The following ARHGEF10 variants were observed in gnomAD, a reference collection of about 807,000 sequenced individuals.
ARHGEF10 encodes Rho guanine nucleotide exchange factor 10.
In ARHGEF10, 140 loss-of-function variants were observed where a neutral mutation model predicts 147.4. The observed-to-expected ratio is 0.95, with a 90% CI of 0.83 to 1.09. The LOEUF is 1.09. Among genes scored for constraint, ARHGEF10 ranks in the 50% least tolerant of loss-of-function variants. The probability of loss-of-function intolerance (pLI) is 0.00; values close to 1 mark genes in which losing one functional copy is unlikely to be tolerated. For synonymous variants in ARHGEF10, 902 were observed against 695.8 expected, an observed-to-expected ratio of 1.30 and a Z score of -4.67; for missense variants, 2,222 against 1,752.7, an observed-to-expected ratio of 1.27 and a Z score of -4.78.
intron 25 of ARHGEF10, among the ~76,000 whole-genome samples, chr8:1,931,426 T>C (rs145897001): frequency 3.1e-3 from 469 of 152,376 alleles, no homozygotes; most frequent in African/African-American, 0.01. Flanking sequence ...ATTGCTGTCC[T>C]GTCCACTGTG....
rs767780155 is a variant in ARHGEF10 at position 1,858,000 on chromosome 8, A to T, written c.78A>T (p.Glu26Asp). Reference sequence around the variant, plus strand: ...ATGATACCAATAATAATGAAGAGGAAGAGGGAGAACAGTTCGATTTTGACA... The same window carrying T: ...ATGATACCAATAATAATGAAGAGGATGAGGGAGAACAGTTCGATTTTGACA... ...MKYDTNNNEE[E>D]EGEQFDFDSG... Residue 26 changes from glutamate to aspartate, a missense_variant, in exon 3 of 29, where the codon GAA becomes GAT. Coordinates refer to ENST00000349830, the MANE Select transcript of ARHGEF10 (RefSeq NM_014629.4). 1 of 1,614,100 alleles carries T rather than the reference A, an allele frequency of 6.2e-7. No homozygotes were observed. Among genetic ancestry groups the T allele is most frequent in the Non-Finnish European group, 8.5e-7 (1 of 1,179,998 alleles).
chr8:1,826,447 C>T (rs984344307), intron 1 of ARHGEF10, among the ~76,000 whole-genome samples: 6 of 151,104 alleles, frequency 4.0e-5, no homozygotes, highest in Admixed American at 6.6e-5. Flanking sequence ...TGTGTGTGCG[C>T]GTGTGTGAGT....
chr8:1,833,597 A>C (rs1250909505), intron 1 of ARHGEF10, among the ~76,000 whole-genome samples: 5 of 151,984 alleles, frequency 3.3e-5, no homozygotes, highest in African/African-American at 9.7e-5. Context: ...CCCCACCCCC[A>C]GGATGCTCAC....
At chr8:1,851,746 C>T (rs982669450) in intron 2 of ARHGEF10, among the ~76,000 whole-genome samples, 2 of 152,048 alleles carry the variant, frequency 1.3e-5, no homozygotes, top group Admixed American at 6.6e-5. Flanking sequence ...CACCTCGTCT[C>T]TATTAAAAAT....
chr8:1,950,751 T>G (rs1359147499), intron 27 of ARHGEF10, among the ~76,000 whole-genome samples: 1,616 of 95,164 alleles, frequency 0.017, 25 homozygotes, highest in Non-Finnish European at 0.021. Flanking sequence ...TTTTTTTTTT[T>G]GTATTTTTAG....
At chr8:1,913,977 A>T (rs1225211546) in intron 18 of ARHGEF10, among the ~76,000 whole-genome samples, 1 of 152,222 alleles carries the variant, frequency 6.6e-6, no homozygotes, top group African/African-American at 2.4e-5. Flanking sequence ...AAACGCGGAA[A>T]GGGTCGTGGG....
intron 11 of ARHGEF10, among the ~76,000 whole-genome samples, chr8:1,886,885 C>G (rs554360258): frequency 6.6e-6 from 1 of 152,312 alleles, no homozygotes; most frequent in East Asian, 1.9e-4. Flanking sequence ...TCTGTGCTCA[C>G]TGGGGCCATG....
intron 3 of ARHGEF10, among the ~76,000 whole-genome samples, chr8:1,859,013 G>C (rs1200169526): frequency 1.3e-5 from 2 of 151,528 alleles, no homozygotes; most frequent in African/African-American, 2.4e-5. Context: ...CGTAGCGCCA[G>C]CCTCTCGGTT....
At chr8:1,935,293 G>A (rs1405913702) in intron 26 of ARHGEF10, among the ~76,000 whole-genome samples, 1 of 152,028 alleles carries the variant, frequency 6.6e-6, no homozygotes, top group Admixed American at 6.6e-5. Context: ...TGTCATCATT[G>A]CCCAGGGTCC....
Position 1,839,695 on chromosome 8 carries a change from C to T in ARHGEF10, c.-47-3658C>T, listed in dbSNP as rs372163268. 4.1e-3 allele frequency among the ~76,000 whole-genome samples: 333 copies of T among 81,604 alleles called. 9 individuals carry two copies. The highest frequency in any genetic ancestry group is 0.013 in the African/African-American group (236 of 18,100). 53.5% of individuals were successfully genotyped at this position (81,604 alleles called of 152,430 possible). A position where few individuals can be genotyped will look rare whatever the true frequency, so the allele number is the denominator to read the frequency against. The stretch of plus-strand genomic sequence containing the variant: ...TGTGGAAACTGGTGTGGGGACTGTC[C>T]GGTGTGGGGACTGTCTGGTGTGGGG... On this transcript the variant is annotated intron_variant, in intron 1 of 28. Transcript: ENST00000349830.
At chr8:1,837,888 G>C (rs959518519) in intron 1 of ARHGEF10, among the ~76,000 whole-genome samples, 2 of 152,182 alleles carry the variant, frequency 1.3e-5, no homozygotes, top group Non-Finnish European at 2.9e-5. Flanking sequence ...GTGAGTCAAG[G>C]TGGTGAGGAC....
intron 2 of ARHGEF10, among the ~76,000 whole-genome samples, chr8:1,844,694 C>T (rs76941765): frequency 0.023 from 3,548 of 152,204 alleles, 75 homozygotes; most frequent in East Asian, 0.082. Context: ...GCCTTTTTGT[C>T]GCCATGGTGC....
chr8:1,857,831 A>T, intron 2 of ARHGEF10, 129 bp from the exon 3 acceptor site: 2 of 864,660 alleles, frequency 2.3e-6, no homozygotes, highest in Admixed American at 4.1e-5. Flanking sequence ...CAAGCGCAGT[A>T]CAGCACAGAG....
At chr8:1,944,762 C>T (rs906227077) in intron 26 of ARHGEF10, among the ~76,000 whole-genome samples, 3 of 152,254 alleles carry the variant, frequency 2.0e-5, no homozygotes, top group African/African-American at 7.2e-5. Flanking sequence ...CACCCTCTGT[C>T]ACCCCCTCCA....
rs1312552885 is a variant in ARHGEF10, at chr8:1,945,523, C to T, written c.3265C>T (p.His1089Tyr). Residue 1089 changes from histidine to tyrosine, a missense_variant, in exon 27 of 29, where the codon CAC becomes TAC. Physicochemically the swap from His to Tyr is moderately conservative, Grantham distance 83 (BLOSUM62 2). Coordinates refer to ENST00000349830, the MANE Select transcript of ARHGEF10 (RefSeq NM_014629.4). ...AHQEEGMVIS[H>Y]MAVSGVGIWI... Reference sequence around the variant, plus strand: ...CCAGGAGGAAGGCATGGTGATCTCCCACATGGCCGTGTCCGGCGTCGGGAT... The same window carrying T: ...CCAGGAGGAAGGCATGGTGATCTCCTACATGGCCGTGTCCGGCGTCGGGAT... 5 of 1,613,258 alleles carry T rather than the reference C, an allele frequency of 3.1e-6. No homozygotes were observed. The highest frequency in any genetic ancestry group is 3.4e-6 in the Non-Finnish European group (4 of 1,179,626).
chr8:1,925,371 G>C lies in ARHGEF10; in HGVS notation c.2577G>C (p.Met859Ile). The change falls in exon 22 of 29, where the codon ATG (methionine) becomes ATC (isoleucine). Residue 859 changes from methionine to isoleucine, a missense_variant. Coordinates refer to ENST00000349830, the MANE Select transcript of ARHGEF10 (RefSeq NM_014629.4). ...KEKHPLLVGHMPVMVAKQQEF... is the reference protein window; with the variant it reads ...KEKHPLLVGHIPVMVAKQQEF... ...AGCATCCTCTCCTCGTCGGACACAT[G>C]CCCGTGATGGTGGCCAAGCAGCAGG... is the stretch of plus-strand genomic sequence containing the variant. The C allele has an allele frequency of 6.2e-7, 1 of 1,614,176 alleles. No individual in the cohort carries two copies. The highest frequency in any genetic ancestry group is 8.5e-7 in the Non-Finnish European group (1 of 1,180,036).
At chr8:1,827,020 G>A (rs915259577) in intron 1 of ARHGEF10, among the ~76,000 whole-genome samples, 1 of 152,254 alleles carries the variant, frequency 6.6e-6, no homozygotes, top group African/African-American at 2.4e-5. Context: ...CCAAGGGTCT[G>A]AGAGGCAGGG....
chr8:1,871,211 T>G (rs1807094518), intron 7 of ARHGEF10: 1 of 151,314 alleles, frequency 6.6e-6, no homozygotes, highest in Admixed American at 6.6e-5. Flanking sequence ...TTGAAGCAAG[T>G]AGTTCCAGAA....
At position 1,902,335 on chromosome 8, in the gene ARHGEF10, G is replaced by C. The variant is rs1012604519; in HGVS notation, c.1651-946G>C. On this transcript the variant is annotated intron_variant, in intron 15 of 28. Coordinates refer to ENST00000349830, the MANE Select transcript of ARHGEF10 (RefSeq NM_014629.4). ...ACAAAAGGCCCTGCATAAAACCAAGGTGACAGAAATGTCCTTTTGTTACTG... is the reference window on the plus strand; with the variant it reads ...ACAAAAGGCCCTGCATAAAACCAAGCTGACAGAAATGTCCTTTTGTTACTG... Among the ~76,000 whole-genome samples the C allele has an allele frequency of 3.9e-5, 6 of 152,248 alleles. No homozygotes were observed. In the East Asian group the frequency reaches 1.2e-3, roughly 29 times the overall value.
Sources: allele counts gnomAD v4.1 joint callset (sites outside exome capture counted in the v4.1 genomes callset), GRCh38; gene constraint gnomAD v4.1.1; transcripts MANE v1.5; gene names NCBI Gene and HGNC (gene_info 2026-07-23, HGNC 2026-07-21).